The following WBP1L variants were observed in gnomAD, a reference collection of about 807,000 sequenced individuals.
The protein encoded by WBP1L is WW domain binding protein 1 like, also known as WW domain binding protein 1-like.
WBP1L carries 17 observed loss-of-function variants against 33.7 expected under a neutral mutation model. That is an observed-to-expected ratio of 0.50 (90% CI 0.34 to 0.76). The LOEUF (loss-of-function observed/expected upper bound fraction) is 0.76, where lower values mean the gene tolerates loss of function less well. WBP1L is among the 30% of genes least tolerant of loss of function. The pLI, the probability that WBP1L is intolerant of heterozygous loss-of-function variation, is 0.01. For synonymous variants in WBP1L, 173 were observed against 190.8 expected, an observed-to-expected ratio of 0.91 and a Z score of 0.77; for missense variants, 389 against 469.4, an observed-to-expected ratio of 0.83 and a Z score of 1.58.
intron 1 of WBP1L, among the ~76,000 whole-genome samples, chr10:102,778,797 A>G (rs1301349130): frequency 6.6e-6 from 1 of 152,238 alleles, no homozygotes; most frequent in African/African-American, 2.4e-5. Context: ...TAATGCACAC[A>G]CACACACATA....
chr10:102,779,888 G>A (rs893094133), intron 1 of WBP1L, among the ~76,000 whole-genome samples: 6 of 152,248 alleles, frequency 3.9e-5, no homozygotes, highest in African/African-American at 1.4e-4. Flanking sequence ...GAGGAGGAGA[G>A]TTTACCAGAC....
intron 2 of WBP1L, among the ~76,000 whole-genome samples, chr10:102,799,486 T>A (rs1843621176): frequency 6.6e-6 from 1 of 152,308 alleles, no homozygotes; most frequent in Non-Finnish European, 1.5e-5. Context: ...CTCTTTGTAC[T>A]CTGACCTTCC....
chr10:102,746,196 G>A, intron 1 of WBP1L: 2 of 983,640 alleles, frequency 2.0e-6, no homozygotes, highest in Non-Finnish European at 2.4e-6. Context: ...TGTGGAAGGG[G>A]ATTGTTAATG....
chr10:102,796,595 G>A (rs1337063823), intron 1 of WBP1L, among the ~76,000 whole-genome samples: 1 of 152,178 alleles, frequency 6.6e-6, no homozygotes, highest in Non-Finnish European at 1.5e-5. Context: ...CTGTGGGCAG[G>A]GCCAGCCTGA....
chr10:102,809,596 C>G (rs1263882974), intron 2 of WBP1L, among the ~76,000 whole-genome samples: 2 of 152,108 alleles, frequency 1.3e-5, no homozygotes, highest in Non-Finnish European at 2.9e-5. Context: ...TGGTCTCGAA[C>G]TCCTGACCTC....
intron 1 of WBP1L, among the ~76,000 whole-genome samples, chr10:102,784,306 T>C (rs1032099172): frequency 1.3e-5 from 2 of 152,132 alleles, no homozygotes; most frequent in Non-Finnish European, 1.5e-5. Context: ...TTGGGTTTAT[T>C]GTAATCTATC....
intron 2 of WBP1L, among the ~76,000 whole-genome samples, chr10:102,807,961 C>G (rs1389867520): frequency 6.6e-6 from 1 of 151,854 alleles, no homozygotes; most frequent in Non-Finnish European, 1.5e-5. Context: ...AATCCTAGCA[C>G]TTTGGGAGGC....
chr10:102,775,693 G>T (rs2482498), intron 1 of WBP1L, among the ~76,000 whole-genome samples: 1 of 151,886 alleles, frequency 6.6e-6, no homozygotes, highest in African/African-American at 2.4e-5. Context: ...CCAAGCCCCC[G>T]CTGCGAATTG....
intron 1 of WBP1L, among the ~76,000 whole-genome samples, chr10:102,775,214 A>G (rs966934212): frequency 1.3e-5 from 2 of 151,884 alleles, no homozygotes; most frequent in East Asian, 3.9e-4. Context: ...GAACCCAAAC[A>G]TGGACCTTTT....
At chr10:102,748,257 CAA>C (rs560569023) in intron 1 of WBP1L, among the ~76,000 whole-genome samples, 1 of 132,430 alleles carries the variant, frequency 7.6e-6, no homozygotes. Flanking sequence ...GACTCCGTCT[CAA>C]AAAAAAAAAA....
intron 2 of WBP1L, among the ~76,000 whole-genome samples, chr10:102,798,915 G>C (rs1843612305): frequency 6.6e-6 from 1 of 152,204 alleles, no homozygotes; most frequent in Non-Finnish European, 1.5e-5. Context: ...CTTGCCTATA[G>C]AGGACCTTCT....
At chr10:102,764,491 C>G (rs796565372) in intron 1 of WBP1L, among the ~76,000 whole-genome samples, 11 of 152,272 alleles carry the variant, frequency 7.2e-5, no homozygotes, top group African/African-American at 2.6e-4. Flanking sequence ...TCACCTCACT[C>G]TCTGTGGCCT....
At chr10:102,797,625 T>C (rs538688029) in intron 1 of WBP1L, among the ~76,000 whole-genome samples, 1 of 152,276 alleles carries the variant, frequency 6.6e-6, no homozygotes, top group African/African-American at 2.4e-5. Context: ...TGATCTTGGC[T>C]CACTGCAATC....
intron 1 of WBP1L, among the ~76,000 whole-genome samples, chr10:102,759,539 A>G (rs905271550): frequency 3.3e-5 from 5 of 152,014 alleles, no homozygotes; most frequent in Non-Finnish European, 7.4e-5. Context: ...ACAAATTAAT[A>G]CTCCATTTTA....
intron 3 of WBP1L, 112 bp downstream of exon 3, chr10:102,810,166 T>G: frequency 7.4e-7 from 1 of 1,360,398 alleles, no homozygotes; most frequent in Non-Finnish European, 9.9e-7. Flanking sequence ...GTTTGTCCTC[T>G]CCCTGCCCCT....
intron 1 of WBP1L, among the ~76,000 whole-genome samples, chr10:102,768,170 A>G (rs1057142605): frequency 1.3e-5 from 2 of 151,998 alleles, no homozygotes; most frequent in Non-Finnish European, 2.9e-5. Context: ...TCCTGGGTTC[A>G]AGCGATTCGT....
chr10:102,770,057 G>T (rs1843167274), intron 1 of WBP1L, among the ~76,000 whole-genome samples: 1 of 152,234 alleles, frequency 6.6e-6, no homozygotes, highest in South Asian at 2.1e-4. Flanking sequence ...GTTTCTAGCA[G>T]TTAAGCAACC....
At chr10:102,807,382 T>C (rs1011823742) in intron 2 of WBP1L, among the ~76,000 whole-genome samples, 1 of 152,124 alleles carries the variant, frequency 6.6e-6, no homozygotes, top group Non-Finnish European at 1.5e-5. Flanking sequence ...TCTGTCCATA[T>C]ATACTTTTTT....
At chr10:102,783,350 G>T (rs574025910) in intron 1 of WBP1L, among the ~76,000 whole-genome samples, 1 of 152,184 alleles carries the variant, frequency 6.6e-6, no homozygotes, top group Non-Finnish European at 1.5e-5. Flanking sequence ...CCTTCATGCT[G>T]CTGCTTGTAC....
Sources: gnomAD v4.1 joint callset for allele counts (sites outside exome capture counted in the v4.1 genomes callset) on GRCh38, gnomAD v4.1.1 for gene constraint, MANE v1.5 for transcripts, NCBI Gene and HGNC (gene_info 2026-07-23, HGNC 2026-07-21) for gene names.